Variants in ZNF385D observed in about 807,000 individuals in gnomAD.
The protein encoded by ZNF385D is zinc finger protein 659.
ZNF385D carries 15 observed loss-of-function variants against 35.8 expected under a neutral mutation model. That is an observed-to-expected ratio of 0.42 (90% CI 0.28 to 0.64). ZNF385D has a LOEUF of 0.64. ZNF385D is among the 30% of genes least tolerant of loss of function. The pLI is 0.23. For synonymous variants in ZNF385D, 212 were observed against 186.8 expected, an observed-to-expected ratio of 1.13 and a Z score of -1.10; for missense variants, 474 against 494.6, an observed-to-expected ratio of 0.96 and a Z score of 0.39.
chr3:22,012,726 G>A (rs1696654294), intron 3 of ZNF385D, among the ~76,000 whole-genome samples: 1 of 152,048 alleles, frequency 6.6e-6, no homozygotes, highest in African/African-American at 2.4e-5. Context: ...TCCCAATGGT[G>A]CCTACCCCAC....
intron 3 of ZNF385D, among the ~76,000 whole-genome samples, chr3:21,953,980 T>C (rs1702175164): frequency 6.6e-6 from 1 of 152,018 alleles, no homozygotes; most frequent in Non-Finnish European, 1.5e-5. Context: ...CGTGGATAAA[T>C]ATAAGCTGGA....
At chr3:22,360,550 G>A (rs149707977) in intron 2 of ZNF385D, among the ~76,000 whole-genome samples, 4 of 151,942 alleles carry the variant, frequency 2.6e-5, no homozygotes, top group South Asian at 4.2e-4. Context: ...TCTTAGACTC[G>A]ATTTATTAAA....
At chr3:22,320,833 TCAA>T (rs1218196632) in intron 2 of ZNF385D, among the ~76,000 whole-genome samples, 1 of 151,972 alleles carries the variant, frequency 6.6e-6, no homozygotes, top group Non-Finnish European at 1.5e-5. Flanking sequence ...TTATAAGTGT[TCAA>T]CATTTAATAT....
chr3:22,368,777 C>A (rs1696772359), intron 2 of ZNF385D, among the ~76,000 whole-genome samples: 2 of 152,188 alleles, frequency 1.3e-5, no homozygotes, highest in Admixed American at 1.3e-4. Context: ...CAAATACTAT[C>A]CCATTAAGGG....
chr3:21,431,378 TC>T (rs1347855553), intron 5 of ZNF385D, among the ~76,000 whole-genome samples: 1 of 151,976 alleles, frequency 6.6e-6, no homozygotes, highest in Non-Finnish European at 1.5e-5. Context: ...ACTATCAAAA[TC>T]CCCCAAACAT....
At chr3:22,367,084 T>C (rs1415532358) in intron 2 of ZNF385D, among the ~76,000 whole-genome samples, 1 of 152,220 alleles carries the variant, frequency 6.6e-6, no homozygotes, top group East Asian at 1.9e-4. Flanking sequence ...CTCCAATTTA[T>C]AGCAATCTTG....
At chr3:21,751,390 A>G (rs7634827), upstream of ZNF385D, 703,527 of 1,010,310 alleles carry the variant, frequency 0.7, 246,745 homozygotes, top group East Asian at 0.94. Context: ...AAGCGAGAAG[A>G]GTGTCGGGAT....
rs1702107315 is a variant in ZNF385D at position 21,952,424 on chromosome 3, T to C, written c.325+216393A>G. On this transcript the variant is annotated intron_variant, in intron 3 of 5. Transcript: ENST00000494108. Reference sequence around the variant, plus strand: ...AATCAACATCAACATGATACAAAATTGTTTGCCTTAATTTTAAGCCACAAC... The same window carrying C: ...AATCAACATCAACATGATACAAAATCGTTTGCCTTAATTTTAAGCCACAAC... 2.0e-5 allele frequency among the ~76,000 whole-genome samples: 3 copies of C among 152,016 alleles called. 1 individual carries two copies.
chr3:21,424,657 C>T (rs1381328441), intron 6 of ZNF385D, among the ~76,000 whole-genome samples: 1 of 146,080 alleles, frequency 6.8e-6, no homozygotes, highest in Non-Finnish European at 1.5e-5. Context: ...TTTTTTTTTT[C>T]CGAGCTTTTC....
At chr3:21,735,901 G>T (rs905922926) in intron 1 of ZNF385D, among the ~76,000 whole-genome samples, 2 of 152,176 alleles carry the variant, frequency 1.3e-5, no homozygotes, top group South Asian at 2.1e-4. Flanking sequence ...AACAGCAAGG[G>T]CTGGGAAAAT....
At chr3:22,292,767 T>C (rs564971458) in intron 2 of ZNF385D, among the ~76,000 whole-genome samples, 1 of 152,274 alleles carries the variant, frequency 6.6e-6, no homozygotes, top group East Asian at 1.9e-4. Context: ...CTATTCTTTT[T>C]CTGGTTTATT....
chr3:22,125,275 C>T (rs959258807), intron 3 of ZNF385D, among the ~76,000 whole-genome samples: 1 of 151,988 alleles, frequency 6.6e-6, no homozygotes, highest in African/African-American at 2.4e-5. Context: ...CTAGTGTATG[C>T]ATCTGTTTTT....
At chr3:21,727,693 T>C (rs1161054122) in intron 1 of ZNF385D, among the ~76,000 whole-genome samples, 2 of 152,152 alleles carry the variant, frequency 1.3e-5, no homozygotes, top group African/African-American at 2.4e-5. Flanking sequence ...TGTGGAGAAA[T>C]AGGAACACTT....
chr3:22,196,314 C>A (rs978441755), intron 2 of ZNF385D, among the ~76,000 whole-genome samples: 2 of 151,884 alleles, frequency 1.3e-5, no homozygotes, highest in Non-Finnish European at 2.9e-5. Flanking sequence ...ACAGAATATT[C>A]TTTGTCATTC....
chr3:21,740,176 C>T (rs899235006), intron 1 of ZNF385D, among the ~76,000 whole-genome samples: 6 of 152,142 alleles, frequency 3.9e-5, no homozygotes, highest in Non-Finnish European at 7.3e-5. Flanking sequence ...ATGGACCATG[C>T]GGTGTCTTGT....
intron 2 of ZNF385D, among the ~76,000 whole-genome samples, chr3:22,230,466 G>C (rs1698821098): frequency 6.6e-6 from 1 of 152,056 alleles, no homozygotes; most frequent in African/African-American, 2.4e-5. Flanking sequence ...TTCTGAGGGG[G>C]ATTCCATCTG....
chr3:21,747,992 C>T (rs2069861356), intron 1 of ZNF385D, among the ~76,000 whole-genome samples: 1 of 152,076 alleles, frequency 6.6e-6, no homozygotes, highest in South Asian at 2.1e-4. Flanking sequence ...CTGAGATTTT[C>T]CCTGCTTCCT....
chr3:22,177,799 GT>G (rs1694936825), intron 2 of ZNF385D, among the ~76,000 whole-genome samples: 1 of 152,102 alleles, frequency 6.6e-6, no homozygotes. Context: ...TGTTCTCACT[GT>G]TCAATTCCCA....
intron 3 of ZNF385D, among the ~76,000 whole-genome samples, chr3:22,152,440 A>G (rs1705298610): frequency 6.6e-6 from 1 of 152,196 alleles, no homozygotes. Flanking sequence ...TTCTGAGGTC[A>G]GAAGTCTGAA....
Sources: allele counts gnomAD v4.1 joint callset (sites outside exome capture counted in the v4.1 genomes callset), GRCh38; gene constraint gnomAD v4.1.1; transcripts MANE v1.5; gene names NCBI Gene and HGNC (gene_info 2026-07-23, HGNC 2026-07-21).